DMTF1: variants seen among roughly 807,000 people sequenced by gnomAD.
DMTF1 encodes cyclin D binding myb like transcription factor 1.
A neutral mutation model predicts 91.1 loss-of-function variants in DMTF1; 39 were observed. The observed-to-expected ratio is 0.43, with a 90% CI of 0.33 to 0.56. The LOEUF (loss-of-function observed/expected upper bound fraction) is 0.56. Among genes scored for constraint, DMTF1 ranks in the 20% least tolerant of loss-of-function variants. The probability of loss-of-function intolerance (pLI) is 0.05; values close to 1 mark genes in which losing one functional copy is unlikely to be tolerated. For missense variants in DMTF1, 750 were observed against 914.5 expected (o/e 0.82, Z 2.32); for synonymous variants, 338 against 309.5 (o/e 1.09, Z -0.97).
At position 87,190,996 on chromosome 7, in the gene DMTF1, G is replaced by C. The variant is rs752218931; in HGVS notation, c.1463G>C (p.Ser488Thr). 3 of 1,609,556 alleles carry C rather than the reference G, an allele frequency of 1.9e-6. No homozygotes were observed. In the South Asian group the frequency reaches 3.3e-5, roughly 18 times the overall value. ...GACTCAGAAACAATAACACTAAACA[G>C]TGGAACACTACAGACATTTGAGATT... ...TVDSETITLN[S>T]GTLQTFEILP... Residue 488 changes from serine to threonine, a missense_variant, in exon 14 of 18, where the codon AGT becomes ACT. Ser to Thr is a moderately conservative substitution (Grantham distance 58). Around this residue, in one of 3 missense-constraint regions of DMTF1, gnomAD observed 410 missense variants for 420.2 expected, o/e 0.98. Coordinates refer to ENST00000331242, the MANE Select transcript of DMTF1 (RefSeq NM_001142327.2).
intron 1 of DMTF1, among the ~76,000 whole-genome samples, chr7:87,160,819 T>A (rs1260822099): frequency 6.6e-6 from 1 of 152,182 alleles, no homozygotes; most frequent in African/African-American, 2.4e-5. Flanking sequence ...CCTGCATCTC[T>A]CTAGCTGGTC....
chr7:87,179,443 T>C (rs978915664), intron 7 of DMTF1, 102 bp from the exon 8 acceptor site: 2 of 926,504 alleles, frequency 2.2e-6, no homozygotes, highest in African/African-American at 3.5e-5. Context: ...TTTTTCTAAA[T>C]GCCGTTGATG....
Position 87,194,103 on chromosome 7 carries a change from G to T in DMTF1, c.2028+1G>T, listed in dbSNP as rs777060804. The T allele has an allele frequency of 6.4e-7, 1 of 1,567,736 alleles. No homozygotes were observed. The highest frequency in any genetic ancestry group is 8.6e-7 in the Non-Finnish European group (1 of 1,158,150). On this transcript the variant is annotated splice_donor_variant, in intron 16 of 17. Coordinates refer to ENST00000331242, the MANE Select transcript of DMTF1 (RefSeq NM_001142327.2). LOFTEE classifies it high-confidence loss of function. ...TTTAGCCAGTGCTTATGTTACTGAGGTAAGTTGTACTTTAAGAACAACTGA... is the reference window on the plus strand; with the variant it reads ...TTTAGCCAGTGCTTATGTTACTGAGTTAAGTTGTACTTTAAGAACAACTGA...
chr7:87,176,822 T>G (rs1321876659), intron 7 of DMTF1, among the ~76,000 whole-genome samples: 1 of 152,176 alleles, frequency 6.6e-6, no homozygotes, highest in Non-Finnish European at 1.5e-5. Context: ...AAGACTTCTG[T>G]AGAGCTAGTT....
chr7:87,188,431 A>G, intron 13 of DMTF1, 130 bp downstream of exon 13: 2 of 935,186 alleles, frequency 2.1e-6, no homozygotes, highest in Non-Finnish European at 3.3e-6. Flanking sequence ...GACATCTAAG[A>G]TATTTTGTTT....
intron 1 of DMTF1, among the ~76,000 whole-genome samples, chr7:87,162,046 CCAG>C (rs1290720004): frequency 6.6e-6 from 1 of 152,140 alleles, no homozygotes. Context: ...ACATAAATGT[CCAG>C]TAACGGATAA....
At chr7:87,185,712 C>G in intron 11 of DMTF1, 117 bp from the exon 12 acceptor site, 2 of 1,140,430 alleles carry the variant, frequency 1.8e-6, no homozygotes, top group Non-Finnish European at 2.6e-6. Flanking sequence ...ACAATAGCAT[C>G]TCATTGGCAT....
intron 12 of DMTF1, chr7:87,186,371 C>T (rs993355249): frequency 1.2e-5 from 2 of 171,064 alleles, no homozygotes; most frequent in African/African-American, 4.8e-5. Context: ...TCTCCCACCT[C>T]AGCCTCCTGA....
At chr7:87,159,520 T>C (rs1289815310) in intron 1 of DMTF1, among the ~76,000 whole-genome samples, 3 of 152,242 alleles carry the variant, frequency 2.0e-5, no homozygotes, top group African/African-American at 4.8e-5. Flanking sequence ...TTTAACGTGC[T>C]AAGGTATTGT....
intron 11 of DMTF1, among the ~76,000 whole-genome samples, chr7:87,185,474 G>A (rs1330270890): frequency 6.6e-6 from 1 of 152,086 alleles, no homozygotes; most frequent in Non-Finnish European, 1.5e-5. Flanking sequence ...GGAAGTAAAT[G>A]ACTTAGTAAA....
intron 1 of DMTF1, among the ~76,000 whole-genome samples, chr7:87,159,370 A>G (rs1034861816): frequency 1.3e-5 from 2 of 149,080 alleles, no homozygotes; most frequent in African/African-American, 4.9e-5. Context: ...ATAACTGATG[A>G]TAAAGCTGAA....
intron 10 of DMTF1, among the ~76,000 whole-genome samples, chr7:87,183,315 C>T (rs1562833347): frequency 6.6e-6 from 1 of 152,192 alleles, no homozygotes; most frequent in African/African-American, 2.4e-5. Context: ...GATAGGATCT[C>T]AGAGTTTCAT....
At chr7:87,166,935 A>G (rs1239629823) in intron 4 of DMTF1, among the ~76,000 whole-genome samples, 1 of 151,992 alleles carries the variant, frequency 6.6e-6, no homozygotes, top group African/African-American at 2.4e-5. Flanking sequence ...TACTGTCTGT[A>G]TGTCCTTGCT....
chr7:87,178,828 G>A (rs576680900), intron 7 of DMTF1, among the ~76,000 whole-genome samples: 12 of 150,654 alleles, frequency 8.0e-5, no homozygotes, highest in African/African-American at 2.9e-4. Context: ...GTGTCTATTT[G>A]GTAGGATTTA....
chr7:87,194,661 ATT>A (rs529199076), intron 16 of DMTF1, 21 bp from the exon 17 acceptor site: 1 of 1,355,542 alleles, frequency 7.4e-7, no homozygotes, highest in Non-Finnish European at 1.0e-6. Flanking sequence ...ATGAGTCAAT[ATT>A]TTTTTTTTAA....
chr7:87,184,387 CT>C lies in DMTF1; in HGVS notation c.821-4del. On this transcript the variant is annotated splice_polypyrimidine_tract_variant and intron_variant, in intron 10 of 17. Coordinates refer to ENST00000331242, the MANE Select transcript of DMTF1 (RefSeq NM_001142327.2). The stretch of plus-strand genomic sequence containing the variant: ...TAGCAGTGGTAGTCTGGATGATTTC[CT>C]TTTTTCAGGGAAGTGGACAGAAGAA... 1 of 1,611,994 alleles carries C rather than the reference CT, an allele frequency of 6.2e-7. No individual in the cohort carries two copies. Among genetic ancestry groups the C allele is most frequent in the South Asian group, 1.1e-5 (1 of 90,842 alleles).
At chr7:87,159,032 G>C (rs957439522) in intron 1 of DMTF1, among the ~76,000 whole-genome samples, 1 of 152,044 alleles carries the variant, frequency 6.6e-6, no homozygotes, top group African/African-American at 2.4e-5. Flanking sequence ...AAGATTATGA[G>C]ATACATAATC....
intron 1 of DMTF1, chr7:87,162,917 A>G (rs1447242463): frequency 6.6e-6 from 1 of 151,806 alleles, no homozygotes; most frequent in African/African-American, 2.4e-5. Context: ...AAAGTTTCAC[A>G]TTGCTTTCAA....
Position 87,166,595 on chromosome 7 carries a change from T to A in DMTF1, c.222T>A (p.Val74=). The part of the protein sequence containing the change: ...IDDSTPCISV[V]ALPLSENDQS... The stretch of plus-strand genomic sequence containing the variant: ...ATTCTACTCCTTGCATATCAGTTGT[T>A]GCACTTCCACGTAAGTCACTACGTA... The change falls in exon 4 of 18, where the codon GTT becomes GTA. Residue 74 remains valine (V), a synonymous_variant. Coordinates refer to ENST00000331242, the MANE Select transcript of DMTF1 (RefSeq NM_001142327.2). The A allele has an allele frequency of 1.9e-6, 3 of 1,611,584 alleles. No individual in the cohort carries two copies. The highest frequency in any genetic ancestry group is 2.5e-6 in the Non-Finnish European group (3 of 1,179,074).
Sources: gnomAD v4.1 joint callset for allele counts (sites outside exome capture counted in the v4.1 genomes callset) on GRCh38, gnomAD v4.1.1 for gene constraint, gnomAD v4.1.1 regional missense constraint, MANE v1.5 for transcripts, NCBI Gene and HGNC (gene_info 2026-07-23, HGNC 2026-07-21) for gene names.